Variants in ZEB1 observed in about 807,000 individuals in gnomAD.
The protein encoded by ZEB1 is zinc finger E-box-binding homeobox 1.
In ZEB1, 21 loss-of-function variants were observed where a neutral mutation model predicts 84.9. That is an observed-to-expected ratio of 0.25 (90% confidence interval 0.18 to 0.36). The LOEUF is 0.36. Ranked by LOEUF, ZEB1 falls within the 10% of genes least tolerant of loss-of-function variation. The pLI is 1.00. For missense variants in ZEB1, 1,104 were observed against 1,330.2 expected (o/e 0.83, Z 2.65); for synonymous variants, 420 against 471.1 (o/e 0.89, Z 1.41).
chr10:31,477,949 T>C (rs770399948), intron 2 of ZEB1, among the ~76,000 whole-genome samples: 1 of 151,962 alleles, frequency 6.6e-6, no homozygotes, highest in Non-Finnish European at 1.5e-5. Context: ...GACATTGGCT[T>C]AGGCAAAGAA....
At chr10:31,474,811 C>G (rs2063830259) in intron 2 of ZEB1, among the ~76,000 whole-genome samples, 2 of 151,962 alleles carry the variant, frequency 1.3e-5, no homozygotes, top group Non-Finnish European at 2.9e-5. Context: ...GGAACCAACC[C>G]AAATGTCCAA....
At chr10:31,478,270 C>T (rs1489977496) in intron 2 of ZEB1, among the ~76,000 whole-genome samples, 2 of 151,976 alleles carry the variant, frequency 1.3e-5, no homozygotes, top group Non-Finnish European at 2.9e-5. Context: ...TATCACTAAT[C>T]ATCAGAGAAG....
chr10:31,474,359 T>C (rs2063745955), intron 2 of ZEB1, among the ~76,000 whole-genome samples: 1 of 151,248 alleles, frequency 6.6e-6, no homozygotes, highest in Non-Finnish European at 1.5e-5. Context: ...CCAACAAATT[T>C]ACAAGAAAAA....
intron 4 of ZEB1, among the ~76,000 whole-genome samples, chr10:31,505,474 G>T (rs2068822588): frequency 6.6e-6 from 1 of 151,978 alleles, no homozygotes; most frequent in African/African-American, 2.4e-5. Flanking sequence ...GGTCTGTTCA[G>T]GTTTTCTATT....
intron 1 of ZEB1, among the ~76,000 whole-genome samples, chr10:31,411,686 A>T (rs1020269421): frequency 3.3e-5 from 5 of 150,116 alleles, no homozygotes; most frequent in African/African-American, 7.4e-5. Flanking sequence ...TTATAGCACT[A>T]AATGCTATAA....
intron 1 of ZEB1, among the ~76,000 whole-genome samples, chr10:31,409,059 T>A (rs1161449659): frequency 3.9e-5 from 6 of 151,922 alleles, no homozygotes; most frequent in African/African-American, 7.3e-5. Flanking sequence ...GAAAAAAACA[T>A]ACAACCCCAT....
At chr10:31,407,049 C>CTA (rs901364416) in intron 1 of ZEB1, among the ~76,000 whole-genome samples, 2 of 151,784 alleles carry the variant, frequency 1.3e-5, no homozygotes, top group Non-Finnish European at 2.9e-5. Flanking sequence ...TTCCATTAGT[C>CTA]TATATGTTTT....
rs74981090 is a variant in ZEB1 at position 31,505,812 on chromosome 10, T to G, written c.484+3303T>G. Among the ~76,000 whole-genome samples, 851 of 151,958 alleles carry G rather than the reference T, an allele frequency of 5.6e-3. 13 individuals are homozygous for G. The highest frequency in any genetic ancestry group is 0.02 in the African/African-American group (816 of 41,550). ...CCTAATTTAGGGTTTGCTTTGTTCT[T>G]GCTTTTCTAAGTTCTTGAGGCACAT... On this transcript the variant is annotated intron_variant, in intron 4 of 8. Coordinates refer to ENST00000424869, the MANE Select transcript of ZEB1 (RefSeq NM_001174096.2).
At chr10:31,495,089 G>A (rs1019619074) in intron 2 of ZEB1, among the ~76,000 whole-genome samples, 1 of 151,978 alleles carries the variant, frequency 6.6e-6, no homozygotes, top group African/African-American at 2.4e-5. Context: ...GATGGAAAGT[G>A]GGCTTTGGAG....
At chr10:31,413,963 C>T (rs1383923953) in intron 1 of ZEB1, among the ~76,000 whole-genome samples, 1 of 152,176 alleles carries the variant, frequency 6.6e-6, no homozygotes, top group Admixed American at 6.5e-5. Flanking sequence ...CCCCTCTTTT[C>T]CTGTCAGCCC....
At chr10:31,467,759 G>A (rs939455161) in intron 2 of ZEB1, among the ~76,000 whole-genome samples, 2 of 152,098 alleles carry the variant, frequency 1.3e-5, no homozygotes, top group Non-Finnish European at 2.9e-5. Flanking sequence ...ACAGGGAAGA[G>A]TGTGGTGTGG....
chr10:31,409,388 G>C, intron 1 of ZEB1, among the ~76,000 whole-genome samples: 1 of 152,216 alleles, frequency 6.6e-6, no homozygotes, highest in East Asian at 1.9e-4. Flanking sequence ...TTTGATACCA[G>C]TACCATGCTG....
chr10:31,494,448 C>T (rs77837870), intron 2 of ZEB1, among the ~76,000 whole-genome samples: 2,848 of 152,054 alleles, frequency 0.019, 88 homozygotes, highest in African/African-American at 0.063. Context: ...AGAAAATCTG[C>T]TGAATAAATC....
rs1298172015 is a variant in ZEB1, at chr10:31,363,293, C to G, written c.58+44001C>G. ...ACTGTTGGAAGTGGGTCAGGCTTCC[C>G]AAAGGGAAGGATGCCTCCAGCAGGG... On this transcript the variant is annotated intron_variant, in intron 1 of 8. Coordinates refer to ENST00000424869, the MANE Select transcript of ZEB1 (RefSeq NM_001174096.2). 7 of 1,533,082 alleles carry G rather than the reference C, an allele frequency of 4.6e-6. No homozygotes were observed. The Admixed American group carries it at 1.4e-4, about 30-fold the overall frequency. The allele number at this position is 1,533,082 out of a possible 1,614,324, so 95.0% of individuals were successfully genotyped here. A position where few individuals can be genotyped will look rare whatever the true frequency, so the allele number is the denominator to read the frequency against.
chr10:31,449,555 C>G (rs2060276445), intron 1 of ZEB1, among the ~76,000 whole-genome samples: 1 of 151,960 alleles, frequency 6.6e-6, no homozygotes, highest in Admixed American at 6.5e-5. Flanking sequence ...GATTTTTTTC[C>G]AAATGATTTT....
At chr10:31,517,943 G>A (rs899156035) in intron 6 of ZEB1, among the ~76,000 whole-genome samples, 1 of 152,036 alleles carries the variant, frequency 6.6e-6, no homozygotes, top group African/African-American at 2.4e-5. Context: ...AGGTCACTCA[G>A]GTAGTACATG....
intron 2 of ZEB1, among the ~76,000 whole-genome samples, chr10:31,475,368 A>T (rs2063980048): frequency 6.6e-6 from 1 of 152,180 alleles, no homozygotes; most frequent in Non-Finnish European, 1.5e-5. Flanking sequence ...AAGCTTGGAA[A>T]AATATTTGAG....
In ZEB1 at chr10:31,441,758, C is replaced by G. The variant is rs560704265; in HGVS notation, c.59-19279C>G. On this transcript the variant is annotated intron_variant, in intron 1 of 8. Coordinates refer to ENST00000424869, the MANE Select transcript of ZEB1 (RefSeq NM_001174096.2). ...AGTAGGTGAAGGATATGAACAGACA[C>G]TTCTCAAAAGAAGACATTTATTTAT... 4.6e-5 allele frequency among the ~76,000 whole-genome samples: 7 copies of G among 152,344 alleles called. No individual in the cohort carries two copies. The South Asian group carries it at 1.4e-3, about 32-fold the overall frequency.
At chr10:31,360,053 C>G (rs543410115) in intron 1 of ZEB1, among the ~76,000 whole-genome samples, 1 of 152,244 alleles carries the variant, frequency 6.6e-6, no homozygotes, top group Non-Finnish European at 1.5e-5. Flanking sequence ...AGAAGGGTGT[C>G]TGTGAATAAA....
Sources: allele counts gnomAD v4.1 joint callset (sites outside exome capture counted in the v4.1 genomes callset), GRCh38; gene constraint gnomAD v4.1.1; transcripts MANE v1.5; gene names NCBI Gene and HGNC (gene_info 2026-07-23, HGNC 2026-07-21).